PDE8A: variants seen among roughly 807,000 people sequenced by gnomAD.
PDE8A encodes the protein phosphodiesterase 8A, also known as high affinity cAMP-specific and IBMX-insensitive 3',5'-cyclic phosphodiesterase 8A.
PDE8A carries 59 observed loss-of-function variants against 105.0 expected under a neutral mutation model. The ratio of observed to expected loss-of-function variants is 0.56; its 90% CI spans 0.46 to 0.70. PDE8A has a LOEUF of 0.70. Ranked by LOEUF, PDE8A falls within the 30% of genes least tolerant of loss-of-function variation. PDE8A has a pLI of 0.00. For synonymous variants in PDE8A, 355 were observed against 371.9 expected, an observed-to-expected ratio of 0.95 and a Z score of 0.52; for missense variants, 1,014 against 1,045.9, an observed-to-expected ratio of 0.97 and a Z score of 0.42.
rs1416454392 is a variant in PDE8A, at chr15:84,998,508, GCT to G, written c.186+16163_186+16164del. 2.6e-5 allele frequency among the ~76,000 whole-genome samples: 4 copies of G among 152,114 alleles called. 1 individual carries two copies. Among genetic ancestry groups the G allele is most frequent in the Admixed American group, 6.5e-5 (1 of 15,272 alleles). On this transcript the variant is annotated intron_variant, in intron 1 of 21. Transcript: ENST00000394553. ...GGAGTTGCTAGATTACTGCAAAATG[GCT>G]CTGTTTTCATTTTGAATGCATGTAC...
chr15:85,104,570 A>T (rs56884884), intron 11 of PDE8A, among the ~76,000 whole-genome samples: 12,235 of 152,124 alleles, frequency 0.08, 932 homozygotes, highest in East Asian at 0.27. Flanking sequence ...ACTTAAGTAT[A>T]ATCAGTAGGA....
At chr15:85,109,193 C>T (rs576412158) in intron 12 of PDE8A, 63 bp downstream of exon 12, 7 of 1,096,074 alleles carry the variant, frequency 6.4e-6, no homozygotes, top group African/African-American at 1.5e-5. Flanking sequence ...TGGAGCCCTG[C>T]CCTGCCTTGC....
chr15:85,137,026 C>G (rs377623974), intron 21 of PDE8A, among the ~76,000 whole-genome samples: 13 of 152,290 alleles, frequency 8.5e-5, no homozygotes, highest in African/African-American at 3.1e-4. Context: ...TACACAAGAC[C>G]AGAAGGACTG....
At chr15:85,132,693 G>C (rs2082346131) in intron 20 of PDE8A, among the ~76,000 whole-genome samples, 1 of 152,134 alleles carries the variant, frequency 6.6e-6, no homozygotes, top group Non-Finnish European at 1.5e-5. Context: ...TTGACCTCAG[G>C]TGATCCACCC....
chr15:85,041,156 A>G (rs1300878307), intron 1 of PDE8A, among the ~76,000 whole-genome samples: 4 of 152,226 alleles, frequency 2.6e-5, no homozygotes, highest in Non-Finnish European at 5.9e-5. Context: ...CAGATGCTAT[A>G]CATGAAAATG....
At chr15:85,054,901 T>G (rs990142302) in intron 1 of PDE8A, among the ~76,000 whole-genome samples, 2 of 152,216 alleles carry the variant, frequency 1.3e-5, no homozygotes, top group Admixed American at 6.5e-5. Context: ...ATTTGTGATG[T>G]TAGGGTGTCA....
rs1468390872 is a variant in PDE8A, at chr15:85,100,042, C to G, written c.969C>G (p.Ile323Met). 2 of 1,613,436 alleles carry G rather than the reference C, an allele frequency of 1.2e-6. No homozygotes were observed. Among genetic ancestry groups the G allele is most frequent in the East Asian group, 4.5e-5 (2 of 44,902 alleles). Residue 323 changes from isoleucine to methionine, a missense_variant, in exon 10 of 22, where the codon ATC (isoleucine) becomes ATG (methionine). By Grantham distance (10) the Ile-to-Met change is conservative. Transcript: ENST00000394553. ...GGKIRHYVSI[I>M]RVCNGNNKAE... ...AAATTAGACACTATGTGTCCATTATCAGAGTGTGCAATGGCAACAATAAGG... is the reference window on the plus strand; with the variant it reads ...AAATTAGACACTATGTGTCCATTATGAGAGTGTGCAATGGCAACAATAAGG...
Position 85,138,103 on chromosome 15 carries a change from G to A in PDE8A, c.*200G>A. On this transcript the variant is annotated 3_prime_UTR_variant, in exon 22 of 22. Coordinates refer to ENST00000394553, the MANE Select transcript of PDE8A (RefSeq NM_002605.3). ...TACTGTCAAGTGAGACTTGGCCACT[G>A]TAGCCTGGGCCTGCTGCAGGAGCTC... 1 of 514,232 alleles carries A rather than the reference G, an allele frequency of 1.9e-6. No homozygotes were observed. Among genetic ancestry groups the A allele is most frequent in the Non-Finnish European group, 3.5e-6 (1 of 287,480 alleles). The allele number at this position is 514,232 out of a possible 1,614,324, so 31.9% of individuals were successfully genotyped here. A position where few individuals can be genotyped will look rare whatever the true frequency, so the allele number is the denominator to read the frequency against.
chr15:85,102,613 G>A (rs527783533), intron 11 of PDE8A, among the ~76,000 whole-genome samples: 1 of 151,872 alleles, frequency 6.6e-6, no homozygotes, highest in Non-Finnish European at 1.5e-5. Context: ...GGCTGAGGCA[G>A]GCAGATCACC....
intron 9 of PDE8A, among the ~76,000 whole-genome samples, chr15:85,099,375 A>G (rs1413239173): frequency 2.6e-5 from 4 of 152,250 alleles, no homozygotes; most frequent in African/African-American, 9.6e-5. Context: ...CCAGTTGGTG[A>G]TCGCCTCAGG....
At chr15:85,034,056 G>T (rs1488644977) in intron 1 of PDE8A, among the ~76,000 whole-genome samples, 2 of 152,216 alleles carry the variant, frequency 1.3e-5, no homozygotes, top group South Asian at 4.1e-4. Context: ...TCCCAGTAGG[G>T]TTATTAGATT....
chr15:85,115,539 T>G, intron 15 of PDE8A, 52 bp downstream of exon 15: 1 of 865,028 alleles, frequency 1.2e-6, no homozygotes, highest in Non-Finnish European at 1.8e-6. Flanking sequence ...TACTGCAGTC[T>G]AGCTTAAGTG....
intron 1 of PDE8A, among the ~76,000 whole-genome samples, chr15:84,997,435 A>G (rs963101388): frequency 4.6e-5 from 7 of 152,052 alleles, no homozygotes; most frequent in Non-Finnish European, 8.8e-5. Context: ...GGCTCAAGCA[A>G]TCCACCCACT....
chr15:85,003,142 A>G (rs940263495), intron 1 of PDE8A, among the ~76,000 whole-genome samples: 4 of 152,268 alleles, frequency 2.6e-5, no homozygotes, highest in Non-Finnish European at 2.9e-5. Flanking sequence ...TTTGTGGATC[A>G]CCATATTCTG....
intron 7 of PDE8A, among the ~76,000 whole-genome samples, chr15:85,090,403 A>G (rs961694768): frequency 1.3e-5 from 2 of 152,166 alleles, no homozygotes; most frequent in Non-Finnish European, 2.9e-5. Context: ...TTGTTTTATC[A>G]TCATCATCAT....
chr15:85,100,856 C>A (rs1455457260), intron 11 of PDE8A, among the ~76,000 whole-genome samples: 1 of 152,206 alleles, frequency 6.6e-6, no homozygotes, highest in Non-Finnish European at 1.5e-5. Flanking sequence ...CCCTGCCTTG[C>A]CTGAGTAGTG....
chr15:85,091,574 C>T (rs1373800772), intron 8 of PDE8A, among the ~76,000 whole-genome samples: 1 of 152,138 alleles, frequency 6.6e-6, no homozygotes, highest in Admixed American at 6.5e-5. Context: ...CTCGTTAATT[C>T]ATTGAGCATT....
Position 85,098,017 on chromosome 15 carries a change from C to T in PDE8A, c.922C>T (p.Pro308Ser). 6.3e-7 allele frequency: 1 copy of T among 1,595,768 alleles called. No homozygotes were observed. The highest frequency in any genetic ancestry group is 8.6e-7 in the Non-Finnish European group (1 of 1,163,594). Residue 308 changes from proline to serine, a missense_variant, in exon 9 of 22, where the codon CCT (proline) becomes TCT (serine). Transcript: ENST00000394553. ...TATACAACAAAATGTGAAGATAATA[C>T]CTGTCATTGGACAGGGAGGGTAAGT... ...DNIQQNVKII[P>S]VIGQGGKIRH...
At chr15:85,135,520 A>G (rs1596553525) in intron 20 of PDE8A, among the ~76,000 whole-genome samples, 1 of 150,618 alleles carries the variant, frequency 6.6e-6, no homozygotes, top group East Asian at 2.0e-4. Context: ...CTCCTACCTC[A>G]CTCCATCTGC....
Sources: allele counts gnomAD v4.1 joint callset (sites outside exome capture counted in the v4.1 genomes callset), GRCh38; gene constraint gnomAD v4.1.1; transcripts MANE v1.5; gene names NCBI Gene and HGNC (gene_info 2026-07-23, HGNC 2026-07-21).